The following RNF123 variants were observed in gnomAD, a reference collection of about 807,000 sequenced individuals.
RNF123 encodes the protein E3 ubiquitin-protein ligase RNF123.
Under a neutral mutation model 168.5 loss-of-function variants are expected in RNF123, and 86 were observed. The observed-to-expected ratio is 0.51, with a 90% CI of 0.43 to 0.61. RNF123 has a LOEUF of 0.61. Ranked by LOEUF, RNF123 falls within the 20% of genes least tolerant of loss-of-function variation. RNF123 has a pLI of 0.00. For missense variants in RNF123, 1,419 were observed against 1,729.7 expected (o/e 0.82, Z 3.19); for synonymous variants, 666 against 689.1 (o/e 0.97, Z 0.52).
intron 35 of RNF123, chr3:49,718,748 T>TC: frequency 1.9e-6 from 3 of 1,613,152 alleles, no homozygotes; most frequent in Non-Finnish European, 2.5e-6. Flanking sequence ...CGCACGGCGC[T>TC]CAGGCCCCGC....
intron 35 of RNF123, chr3:49,719,282 C>T (rs376622853): frequency 1.2e-6 from 2 of 1,613,162 alleles, no homozygotes; most frequent in South Asian, 1.1e-5. Context: ...TCCGCAGTAG[C>T]GGCAGGTAAC....
chr3:49,715,069 G>A (rs912894119), intron 31 of RNF123, among the ~76,000 whole-genome samples: 1 of 152,246 alleles, frequency 6.6e-6, no homozygotes, highest in Non-Finnish European at 1.5e-5. Flanking sequence ...TGAGGGCTCC[G>A]GTTACTGCTG....
At chr3:49,704,592 TC>T in intron 21 of RNF123, 57 bp from the exon 22 acceptor site, 1 of 1,454,492 alleles carries the variant, frequency 6.9e-7, no homozygotes, top group Non-Finnish European at 9.5e-7. Flanking sequence ...CCTGGGCACT[TC>T]CACTGTGGCC....
At chr3:49,704,883 G>A in intron 22 of RNF123, 101 bp from the exon 23 acceptor site, 1 of 1,405,272 alleles carries the variant, frequency 7.1e-7, no homozygotes. Context: ...CTGGTGCCTT[G>A]CTGTGGGTGG....
intron 35 of RNF123, chr3:49,720,172 C>T (rs1352139126): frequency 3.5e-5 from 6 of 169,020 alleles, no homozygotes; most frequent in Non-Finnish European, 6.2e-5. Context: ...AACAATTAGC[C>T]GGGCGTGGTG....
intron 19 of RNF123, 80 bp from the exon 20 acceptor site, chr3:49,702,553 C>T: frequency 1.2e-6 from 2 of 1,610,844 alleles, no homozygotes; most frequent in Non-Finnish European, 1.7e-6. Flanking sequence ...TAACCCTCGA[C>T]CCTCAGGCAG....
chr3:49,699,496 C>T lies in RNF123; in HGVS notation c.793C>T (p.Gln265Ter). 6.2e-7 allele frequency: 1 copy of T among 1,609,716 alleles called. No homozygotes were observed. Residue 265 changes from glutamine to a stop codon, truncating the protein, a stop_gained, in exon 11 of 39, where the codon CAG (glutamine) becomes TAG (stop). Coordinates refer to ENST00000327697, the MANE Select transcript of RNF123 (RefSeq NM_022064.5). LOFTEE classifies it high-confidence loss of function. This position sits in a 1 kb window ranked among gnomAD's most constrained non-coding sequence, Gnocchi z 4.8. ...CCCAGTGGCAGGCTACCGGCCCCTG[C>T]AGGACCCACCGAGTGCTGACCTGGT... ...RYPVAGYRPL[Q>*]DPPSADLVRA...
At chr3:49,709,424 C>T (rs2080099397) in intron 26 of RNF123, among the ~76,000 whole-genome samples, 1 of 152,108 alleles carries the variant, frequency 6.6e-6, no homozygotes, top group South Asian at 2.1e-4. Context: ...CCTCAGCCTC[C>T]CGAGTAGCTG....
At chr3:49,700,186 G>C (rs765391393) in intron 12 of RNF123, 41 bp from the exon 13 acceptor site, 1 of 1,611,586 alleles carries the variant, frequency 6.2e-7, no homozygotes, top group Non-Finnish European at 8.5e-7. Context: ...CTTGACCAGA[G>C]TGGAAGGCCA....
At chr3:49,714,313 C>T (rs1307161470) in intron 31 of RNF123, 139 bp downstream of exon 31, 2 of 735,762 alleles carry the variant, frequency 2.7e-6, no homozygotes, top group South Asian at 1.7e-5. Context: ...TACGTGTCCC[C>T]TGGGGTTTCC....
rs575203148 is a variant in RNF123 at position 49,717,765 on chromosome 3, G to A, written c.3500+1288G>A. On this transcript the variant is annotated intron_variant, in intron 35 of 38. Transcript: ENST00000327697. ...TGTGCAGGGGCAGAGCAGAAGGCAGGTTGGGGACCACAACCCCTGTCTCTA... is the reference window on the plus strand; with the variant it reads ...TGTGCAGGGGCAGAGCAGAAGGCAGATTGGGGACCACAACCCCTGTCTCTA... 7 of 674,682 alleles carry A rather than the reference G, an allele frequency of 1.0e-5. No homozygotes were observed. The East Asian group carries it at 1.9e-4, about 18-fold the overall frequency. 41.8% of individuals were successfully genotyped at this position (674,682 alleles called of 1,614,324 possible).
chr3:49,699,855 G>GCACAT lies in RNF123; in HGVS notation c.984+84_984+85insACATC. On this transcript the variant is annotated intron_variant, in intron 12 of 38. Coordinates refer to ENST00000327697, the MANE Select transcript of RNF123 (RefSeq NM_022064.5). The surrounding 1 kb of genome is among the most constrained non-coding windows in gnomAD (Gnocchi z 4.8). The stretch of plus-strand genomic sequence containing the variant: ...CGTGGTAGATGTGCCCTCACTGAGG[G>GCACAT]CTGCAGTGCTGAGGTCCCACAGCAT... 1 of 1,382,140 alleles carries GCACAT rather than the reference G, an allele frequency of 7.2e-7. No individual in the cohort carries two copies. The highest frequency in any genetic ancestry group is 1.0e-6 in the Non-Finnish European group (1 of 986,352). The allele number at this position is 1,382,140 out of a possible 1,614,324, so 85.6% of individuals were successfully genotyped here. A position where few individuals can be genotyped will look rare whatever the true frequency, so the allele number is the denominator to read the frequency against.
At chr3:49,717,792 C>T in intron 35 of RNF123, 1 of 783,350 alleles carries the variant, frequency 1.3e-6, no homozygotes, top group East Asian at 2.6e-5. Flanking sequence ...CTGTCTCTAC[C>T]AGTGAGCGAG....
chr3:49,706,509 G>T (rs2054522601), intron 25 of RNF123, among the ~76,000 whole-genome samples: 1 of 152,252 alleles, frequency 6.6e-6, no homozygotes, highest in Admixed American at 6.5e-5. Flanking sequence ...GCAGCTGGGG[G>T]AGCAGCGGTT....
In RNF123 at chr3:49,699,606, G is replaced by A. The variant is rs184530129; in HGVS notation, c.879+24G>A. The A allele has an allele frequency of 5.7e-4, 921 of 1,612,762 alleles. 10 individuals carry two copies. In the East Asian group the frequency reaches 0.014, roughly 24 times the overall value. On this transcript the variant is annotated intron_variant, in intron 11 of 38. Coordinates refer to ENST00000327697, the MANE Select transcript of RNF123 (RefSeq NM_022064.5). The surrounding 1 kb of genome is among the most constrained non-coding windows in gnomAD (Gnocchi z 4.8). ...TGGTGAGCTGGGGTCTGGGCCAGGC[G>A]GGGTGGGGGGCTTCCACAGCCTCCT...
At chr3:49,718,621 T>A in intron 35 of RNF123, 1 of 1,612,966 alleles carries the variant, frequency 6.2e-7, no homozygotes, top group African/African-American at 1.3e-5. Flanking sequence ...TTCCGGCCGC[T>A]CTAGGCCAAG....
chr3:49,713,049 C>T, intron 27 of RNF123: 1 of 650,796 alleles, frequency 1.5e-6, no homozygotes, highest in South Asian at 1.7e-5. Flanking sequence ...TAAATCACAG[C>T]AGGGGGTGGA....
chr3:49,699,123 T>C lies in RNF123; in HGVS notation c.764+18T>C, dbSNP rs145875764. 7.3e-4 allele frequency: 1,177 copies of C among 1,611,072 alleles called. 6 individuals are homozygous for C. The African/African-American group carries it at 0.014, about 19-fold the overall frequency. Reference sequence around the variant, plus strand: ...CCTCTGCGATATCATTTTGTGAAGATGGCTGTGGGCTGCTCAGAAGCTCTT... The same window carrying C: ...CCTCTGCGATATCATTTTGTGAAGACGGCTGTGGGCTGCTCAGAAGCTCTT... On this transcript the variant is annotated intron_variant, in intron 10 of 38. Transcript: ENST00000327697. The surrounding 1 kb of genome is among the most constrained non-coding windows in gnomAD (Gnocchi z 4.8).
intron 35 of RNF123, chr3:49,718,274 C>G: frequency 6.2e-7 from 1 of 1,612,856 alleles, no homozygotes; most frequent in South Asian, 1.1e-5. Context: ...TAGAGCAGCA[C>G]GAGCACAAGG....
Sources: allele counts gnomAD v4.1 joint callset (sites outside exome capture counted in the v4.1 genomes callset), GRCh38; gene constraint gnomAD v4.1.1; non-coding constraint Gnocchi (gnomAD v3.1); transcripts MANE v1.5; gene names NCBI Gene and HGNC (gene_info 2026-07-23, HGNC 2026-07-21).